PRKN: variants seen among roughly 807,000 people sequenced by gnomAD.
PRKN encodes the protein E3 ubiquitin-protein ligase parkin.
PRKN carries 56 observed loss-of-function variants against 59.5 expected under a neutral mutation model. The ratio of observed to expected loss-of-function variants is 0.94; its 90% confidence interval spans 0.76 to 1.18. The LOEUF (loss-of-function observed/expected upper bound fraction) is 1.18, where lower values mean the gene tolerates loss of function less well. Ranked by LOEUF, PRKN falls within the 50% of genes most tolerant of loss-of-function variation. PRKN has a pLI of 0.00. For synonymous variants in PRKN, 250 were observed against 222.1 expected (o/e 1.13, Z -1.12); for missense variants, 657 against 596.4 (o/e 1.10, Z -1.06).
intron 1 of PRKN, among the ~76,000 whole-genome samples, chr6:162,724,596 TAAAA>T (rs961304582): frequency 3.9e-5 from 6 of 152,026 alleles, no homozygotes; most frequent in African/African-American, 1.2e-4. Flanking sequence ...ACAATAAAAT[TAAAA>T]AGAAAGAGAA....
intron 4 of PRKN, among the ~76,000 whole-genome samples, chr6:162,146,685 A>G (rs1350159895): frequency 6.6e-6 from 1 of 151,870 alleles, no homozygotes; most frequent in African/African-American, 2.4e-5. Context: ...TTGTGTTTTT[A>G]GTAGATACGA....
rs576056002 is a variant in PRKN, at chr6:161,361,464, C to T, written c.1168-1259G>A. Among the ~76,000 whole-genome samples the T allele has an allele frequency of 2.6e-5, 4 of 152,234 alleles. No individual in the cohort carries two copies. The East Asian group carries it at 7.7e-4, about 29-fold the overall frequency. Reference sequence around the variant, plus strand: ...CAAGTGAATGAATGAATGACGCAGCCCAGGAAGGCACTAAACTTTCAGGGG... The same window carrying T: ...CAAGTGAATGAATGAATGACGCAGCTCAGGAAGGCACTAAACTTTCAGGGG... On this transcript the variant is annotated intron_variant, in intron 10 of 11. Coordinates refer to ENST00000366898, the MANE Select transcript of PRKN (RefSeq NM_004562.3). This position sits in a 1 kb window ranked among gnomAD's most constrained non-coding sequence, Gnocchi z 5.2.
At chr6:162,409,994 A>G (rs1266030989) in intron 2 of PRKN, among the ~76,000 whole-genome samples, 1 of 152,190 alleles carries the variant, frequency 6.6e-6, no homozygotes, top group African/African-American at 2.4e-5. Flanking sequence ...AGTTTTCAAT[A>G]CAGCAGCTTT....
At chr6:161,511,062 A>G (rs1054656498) in intron 9 of PRKN, among the ~76,000 whole-genome samples, 1 of 152,236 alleles carries the variant, frequency 6.6e-6, no homozygotes, top group Non-Finnish European at 1.5e-5. Flanking sequence ...TAATGGACTC[A>G]AACTATAACA....
chr6:162,253,740 A>G (rs1470554431), intron 3 of PRKN, among the ~76,000 whole-genome samples: 1 of 152,154 alleles, frequency 6.6e-6, no homozygotes. Context: ...GAAGTAAAAA[A>G]ATATTAAATG....
chr6:161,695,027 A>G (rs370963094), intron 7 of PRKN, among the ~76,000 whole-genome samples: 3 of 151,994 alleles, frequency 2.0e-5, no homozygotes, highest in African/African-American at 7.2e-5. Context: ...GGCAATTCCA[A>G]TCTACATTGA....
chr6:162,197,013 G>A (rs1784520051), intron 4 of PRKN, among the ~76,000 whole-genome samples: 1 of 152,074 alleles, frequency 6.6e-6, no homozygotes, highest in Non-Finnish European at 1.5e-5. Context: ...CCAGGTTCCA[G>A]TTTTCCTCCT....
chr6:162,400,934 A>T (rs1787762604), intron 2 of PRKN, among the ~76,000 whole-genome samples: 1 of 152,212 alleles, frequency 6.6e-6, no homozygotes, highest in Admixed American at 6.5e-5. Flanking sequence ...TATTAATTTA[A>T]AATAATTATT....
At chr6:162,528,093 G>A (rs1014775835) in intron 1 of PRKN, among the ~76,000 whole-genome samples, 7 of 151,486 alleles carry the variant, frequency 4.6e-5, no homozygotes, top group African/African-American at 1.2e-4. Context: ...GGTGCGGGGC[G>A]GCGGGTCACC....
chr6:161,922,817 G>A (rs1338461369), intron 6 of PRKN, among the ~76,000 whole-genome samples: 1 of 152,160 alleles, frequency 6.6e-6, no homozygotes, highest in Non-Finnish European at 1.5e-5. Context: ...AGAAGTTGGA[G>A]TTTTGTTTTT....
chr6:162,206,900 C>T lies in PRKN; in HGVS notation c.413-5648G>A, dbSNP rs139352763. On this transcript the variant is annotated intron_variant, in intron 3 of 11. Transcript: ENST00000366898. ...AGCACCACCTCTGATGTCCAGCAAG[C>T]GCTTCTTTACACATTATGGAGAGAG... Among the ~76,000 whole-genome samples the T allele has an allele frequency of 6.6e-4, 100 of 152,292 alleles. 1 individual carries two copies. Among genetic ancestry groups the T allele is most frequent in the African/African-American group, 2.1e-3 (86 of 41,566 alleles).
At chr6:162,473,336 A>T (rs865938168) in intron 1 of PRKN, among the ~76,000 whole-genome samples, 1 of 152,184 alleles carries the variant, frequency 6.6e-6, no homozygotes, top group Non-Finnish European at 1.5e-5. Context: ...AGGAAAAACT[A>T]CTGGCTTCAG....
chr6:161,889,999 G>A (rs1030235246), intron 6 of PRKN, among the ~76,000 whole-genome samples: 2 of 152,126 alleles, frequency 1.3e-5, no homozygotes, highest in Non-Finnish European at 2.9e-5. Context: ...ACACGCATTC[G>A]AGGAGCAGCT....
chr6:162,686,513 T>C (rs553540073), intron 1 of PRKN, among the ~76,000 whole-genome samples: 51 of 152,334 alleles, frequency 3.3e-4, no homozygotes, highest in African/African-American at 1.2e-3. Context: ...GGAAATTTGA[T>C]ATTTGATATA....
chr6:162,621,821 T>A (rs979470042), intron 1 of PRKN, among the ~76,000 whole-genome samples: 1 of 152,178 alleles, frequency 6.6e-6, no homozygotes, highest in Non-Finnish European at 1.5e-5. Flanking sequence ...TATTTATTTA[T>A]TTTTTATTTA....
intron 6 of PRKN, among the ~76,000 whole-genome samples, chr6:161,898,830 C>G (rs1361945374): frequency 6.6e-6 from 1 of 152,186 alleles, no homozygotes. Context: ...GGTCTAATTC[C>G]TATTGCAAAT....
At chr6:162,152,056 A>G (rs1782295224) in intron 4 of PRKN, among the ~76,000 whole-genome samples, 1 of 152,224 alleles carries the variant, frequency 6.6e-6, no homozygotes, top group South Asian at 2.1e-4. Flanking sequence ...TGAGCTTCTA[A>G]TAACAAAGGT....
At chr6:161,437,172 G>A (rs1056332663) in intron 9 of PRKN, among the ~76,000 whole-genome samples, 1 of 152,152 alleles carries the variant, frequency 6.6e-6, no homozygotes, top group South Asian at 2.1e-4. Flanking sequence ...GTATAATGGT[G>A]CGAGGACCAC....
chr6:161,495,809 C>G (rs1777727252), intron 9 of PRKN, among the ~76,000 whole-genome samples: 1 of 152,200 alleles, frequency 6.6e-6, no homozygotes, highest in Admixed American at 6.5e-5. Context: ...TAATTCCGTG[C>G]TCTCTTGGTG....
Sources: allele counts gnomAD v4.1 joint callset (sites outside exome capture counted in the v4.1 genomes callset), GRCh38; gene constraint gnomAD v4.1.1; non-coding constraint Gnocchi (gnomAD v3.1); transcripts MANE v1.5; gene names NCBI Gene and HGNC (gene_info 2026-07-23, HGNC 2026-07-21).